NCOR1: variants seen among roughly 807,000 people sequenced by gnomAD.
NCOR1 encodes protein phosphatase 1, regulatory subunit 109.
Under a neutral mutation model 288.1 loss-of-function variants are expected in NCOR1, and 63 were observed. The observed-to-expected ratio is 0.22, with a 90% CI of 0.18 to 0.27. The LOEUF (loss-of-function observed/expected upper bound fraction) is 0.27, where lower values mean the gene tolerates loss of function less well. Among genes scored for constraint, NCOR1 ranks in the 10% least tolerant of loss-of-function variants. The probability of loss-of-function intolerance (pLI) is 1.00; values close to 1 mark genes in which losing one functional copy is unlikely to be tolerated. For missense variants in NCOR1, 2,397 were observed against 3,019.2 expected (o/e 0.79, Z 4.83); for synonymous variants, 1,007 against 1,065.9 (o/e 0.94, Z 1.08).
intron 41 of NCOR1, among the ~76,000 whole-genome samples, chr17:16,047,636 G>T (rs2058820306): frequency 6.6e-6 from 1 of 152,152 alleles, no homozygotes; most frequent in Non-Finnish European, 1.5e-5. Flanking sequence ...TAACAAATGA[G>T]CTGAGTTTAA....
At chr17:16,069,617 G>A (rs747616876) in intron 31 of NCOR1, among the ~76,000 whole-genome samples, 5 of 152,026 alleles carry the variant, frequency 3.3e-5, no homozygotes, top group African/African-American at 1.2e-4. Context: ...CACATTTATC[G>A]AGCCCTTCGT....
intron 44 of NCOR1, among the ~76,000 whole-genome samples, chr17:16,035,410 T>C (rs1567623003): frequency 6.6e-6 from 1 of 152,098 alleles, no homozygotes; most frequent in Non-Finnish European, 1.5e-5. Flanking sequence ...GCAGATTCAA[T>C]CTCAAGAAAC....
At position 16,058,526 on chromosome 17, in the gene NCOR1, G is replaced by C; in HGVS notation, c.5955C>G (p.Pro1985=). The change falls in exon 38 of 46, where the codon CCC becomes CCG. Residue 1985 remains proline (P), a synonymous_variant. Coordinates refer to ENST00000268712, the MANE Select transcript of NCOR1 (RefSeq NM_006311.4). The stretch of plus-strand genomic sequence containing the variant: ...GCTGATAGGTCTGCAGTTTCTCCTG[G>C]GGTGGCGCAGGTGAGCTGGCAGGAC... The part of the protein sequence containing the change: ...VISPASSPAP[P]QEKLQTYQPE... The C allele has an allele frequency of 6.2e-7, 1 of 1,614,102 alleles. No homozygotes were observed. Among genetic ancestry groups the C allele is most frequent in the Non-Finnish European group, 8.5e-7 (1 of 1,179,968 alleles).
At chr17:16,036,410 T>C (rs2056374852) in intron 44 of NCOR1, among the ~76,000 whole-genome samples, 1 of 152,156 alleles carries the variant, frequency 6.6e-6, no homozygotes, top group South Asian at 2.1e-4. Context: ...TTCAGAATGG[T>C]AAAGGAGCAC....
intron 19 of NCOR1, among the ~76,000 whole-genome samples, chr17:16,102,133 T>G (rs1399933170): frequency 6.6e-6 from 1 of 152,236 alleles, no homozygotes; most frequent in Non-Finnish European, 1.5e-5. Flanking sequence ...AGCCTCTTCC[T>G]GTGAATTTCC....
intron 1 of NCOR1, among the ~76,000 whole-genome samples, chr17:16,213,920 C>T (rs2092353251): frequency 6.6e-6 from 1 of 152,108 alleles, no homozygotes; most frequent in African/African-American, 2.4e-5. Context: ...GTAATCAGTT[C>T]CTACTGTGAG....
chr17:16,051,158 AT>A (rs1276538982), intron 40 of NCOR1, among the ~76,000 whole-genome samples: 1 of 152,090 alleles, frequency 6.6e-6, no homozygotes, highest in East Asian at 1.9e-4. Context: ...AATTTTGTCC[AT>A]TTTGCCTTTA....
chr17:16,187,455 A>T (rs919733965), intron 2 of NCOR1, among the ~76,000 whole-genome samples: 8 of 152,006 alleles, frequency 5.3e-5, no homozygotes, highest in African/African-American at 1.9e-4. Flanking sequence ...AAAATGTAGT[A>T]TAACCATACA....
chr17:16,048,863 G>A lies in NCOR1; in HGVS notation c.6518C>T (p.Ala2173Val). 1 of 1,613,098 alleles carries A rather than the reference G, an allele frequency of 6.2e-7. No homozygotes were observed. The highest frequency in any genetic ancestry group is 8.5e-7 in the Non-Finnish European group (1 of 1,179,404). The change falls in exon 41 of 46, where the codon GCA becomes GTA. Residue 2173 changes from alanine (A) to valine (V), a missense_variant. Ala to Val is a moderately conservative substitution (Grantham distance 64). This residue lies in a region of NCOR1 where 1,872 missense variants were observed against 2,187.8 expected (regional missense o/e 0.86). Coordinates refer to ENST00000268712, the MANE Select transcript of NCOR1 (RefSeq NM_006311.4). ...CACTTACCTCTGCTCTGCAGGCTCT[G>A]CGCCCCTCTGAGACAAGAGCAGCAA... ...DSLLLLSQRGAEPAEQRNDAR... is the reference protein window; with the variant it reads ...DSLLLLSQRGVEPAEQRNDAR...
rs111590848 is a variant in NCOR1, at chr17:16,044,615, C to T, written c.6679+2336G>A. On this transcript the variant is annotated intron_variant, in intron 42 of 45. Coordinates refer to ENST00000268712, the MANE Select transcript of NCOR1 (RefSeq NM_006311.4). ...CGGCAGCGCCAGCCCCACACTTGCCCATACCATGTCCTCTGTCTCCGAGCT... is the reference window on the plus strand; with the variant it reads ...CGGCAGCGCCAGCCCCACACTTGCCTATACCATGTCCTCTGTCTCCGAGCT... 1,367 of 599,748 alleles carry T rather than the reference C, an allele frequency of 2.3e-3. 18 individuals are homozygous for T. In the African/African-American group the frequency reaches 0.024, roughly 10 times the overall value. The allele number at this position is 599,748 out of a possible 1,614,324, so 37.2% of individuals were successfully genotyped here. A position where few individuals can be genotyped will look rare whatever the true frequency, so the allele number is the denominator to read the frequency against.
Position 16,108,827 on chromosome 17 carries a change from A to G in NCOR1, c.2141T>C (p.Ile714Thr), listed in dbSNP as rs1568070572. The G allele has an allele frequency of 4.4e-6, 7 of 1,606,668 alleles. No individual in the cohort carries two copies. Among genetic ancestry groups the G allele is most frequent in the Non-Finnish European group, 6.0e-6 (7 of 1,175,556 alleles). The change falls in exon 19 of 46, where the codon ATT becomes ACT. Residue 714 changes from isoleucine (I) to threonine (T), a missense_variant. By Grantham distance (89) the Ile-to-Thr change is moderately conservative. Around this residue, in one of 11 missense-constraint regions of NCOR1, gnomAD observed 1,872 missense variants for 2,187.8 expected, o/e 0.86. Coordinates refer to ENST00000268712, the MANE Select transcript of NCOR1 (RefSeq NM_006311.4). ...STVSAQEDED[I>T]EASNEEENPE... ...ATTTTCTTCTTCATTGGAGGCTTCA[A>G]TATCTTCATCCTCCTGAGCAGAAAC...
At chr17:16,042,998 T>C (rs2058022767) in intron 42 of NCOR1, among the ~76,000 whole-genome samples, 1 of 152,016 alleles carries the variant, frequency 6.6e-6, no homozygotes, top group Admixed American at 6.6e-5. Context: ...GGCTAAGAAG[T>C]GAGCCCTGGG....
rs1186671955 is a variant in NCOR1, at chr17:16,119,537, T to C, written c.1853-52A>G. ...GCAGAGAAAAACAAAGTTAAATCCT[T>C]TATTCAAACCAATCATATAATTATA... On this transcript the variant is annotated intron_variant, in intron 16 of 45. Coordinates refer to ENST00000268712, the MANE Select transcript of NCOR1 (RefSeq NM_006311.4). 2.5e-6 allele frequency: 3 copies of C among 1,223,692 alleles called. No homozygotes were observed. In the East Asian group the frequency reaches 7.1e-5, roughly 29 times the overall value. 75.8% of individuals were successfully genotyped at this position (1,223,692 alleles called of 1,614,324 possible).
At chr17:16,114,901 C>T (rs934902488) in intron 18 of NCOR1, among the ~76,000 whole-genome samples, 5 of 152,132 alleles carry the variant, frequency 3.3e-5, no homozygotes, top group African/African-American at 9.7e-5. Flanking sequence ...CCTCTTCTTA[C>T]AGCTCCATTA....
rs1266339469 is a variant in NCOR1, at chr17:16,151,728, C to T, written c.842+218G>A. The stretch of plus-strand genomic sequence containing the variant: ...GATTATAAAACCAGCTAGTTTTATG[C>T]AATAATTTATTTCATTTTTTGGCCT... On this transcript the variant is annotated intron_variant, in intron 8 of 45. Transcript: ENST00000268712. The T allele has an allele frequency of 3.7e-6, 4 of 1,092,382 alleles. No homozygotes were observed. In the Admixed American group the frequency reaches 7.5e-5, roughly 21 times the overall value. 67.7% of individuals were successfully genotyped at this position (1,092,382 alleles called of 1,614,324 possible). A position where few individuals can be genotyped will look rare whatever the true frequency, so the allele number is the denominator to read the frequency against.
intron 7 of NCOR1, 38 bp downstream of exon 7, chr17:16,153,300 TA>T (rs200057904): frequency 0.022 from 24,262 of 1,127,062 alleles, 2 homozygotes; most frequent in South Asian, 0.031. Context: ...CACCAAAAAT[TA>T]AAAAAAAAAA....
At chr17:16,130,914 C>T (rs772928003) in intron 14 of NCOR1, among the ~76,000 whole-genome samples, 1 of 151,652 alleles carries the variant, frequency 6.6e-6, no homozygotes, top group Non-Finnish European at 1.5e-5. Flanking sequence ...GTCTCAAATT[C>T]CTAGGCTCAA....
At chr17:16,047,911 C>T (rs1032294233) in intron 41 of NCOR1, among the ~76,000 whole-genome samples, 1 of 152,150 alleles carries the variant, frequency 6.6e-6, no homozygotes. Flanking sequence ...CACTCATAAA[C>T]GTAGGGGAAA....
chr17:16,036,583 G>C (rs1416400927), intron 44 of NCOR1, among the ~76,000 whole-genome samples: 2 of 152,200 alleles, frequency 1.3e-5, no homozygotes, highest in Non-Finnish European at 2.9e-5. Context: ...GGTCTTCTGA[G>C]TAACTTGCTG....
Sources: gnomAD v4.1 joint callset for allele counts (sites outside exome capture counted in the v4.1 genomes callset) on GRCh38, gnomAD v4.1.1 for gene constraint, gnomAD v4.1.1 regional missense constraint, MANE v1.5 for transcripts, NCBI Gene and HGNC (gene_info 2026-07-23, HGNC 2026-07-21) for gene names.